DGKH: variants seen among roughly 807,000 people sequenced by gnomAD.
DGKH encodes the protein diacylglycerol kinase eta, also known as DAG kinase eta.
Under a neutral mutation model 159.3 loss-of-function variants are expected in DGKH, and 90 were observed. That is an observed-to-expected ratio of 0.57 (90% confidence interval 0.48 to 0.67). The LOEUF (loss-of-function observed/expected upper bound fraction) is 0.67. Among genes scored for constraint, DGKH ranks in the 30% least tolerant of loss-of-function variants. DGKH has a pLI of 0.00. For synonymous variants in DGKH, 536 were observed against 553.8 expected (o/e 0.97, Z 0.45); for missense variants, 1,181 against 1,506.1 (o/e 0.78, Z 3.57).
At chr13:42,075,911 A>C (rs1291917373) in intron 1 of DGKH, among the ~76,000 whole-genome samples, 1 of 152,176 alleles carries the variant, frequency 6.6e-6, no homozygotes, top group Non-Finnish European at 1.5e-5. Context: ...AAAGGCACCA[A>C]ATCTCCAGAA....
At chr13:42,040,723 G>T (rs1231209614) in intron 1 of DGKH, among the ~76,000 whole-genome samples, 4 of 150,160 alleles carry the variant, frequency 2.7e-5, no homozygotes, top group African/African-American at 4.9e-5. Context: ...GGAGACGGCG[G>T]GTGGGCCGGT....
chr13:42,058,393 G>C (rs1314100753), intron 1 of DGKH, among the ~76,000 whole-genome samples: 3 of 152,180 alleles, frequency 2.0e-5, no homozygotes, highest in Non-Finnish European at 4.4e-5. Flanking sequence ...AGGACTTACT[G>C]AATACACAAT....
At chr13:42,205,731 T>G (rs1238098412) in intron 20 of DGKH, among the ~76,000 whole-genome samples, 2 of 152,126 alleles carry the variant, frequency 1.3e-5, no homozygotes, top group African/African-American at 4.8e-5. Flanking sequence ...AGGACCACAA[T>G]GCAGGTGAAA....
rs1179355016 is a variant in DGKH at position 42,235,667 on chromosome 13, G to A, written c.*6479G>A. 1 of 152,132 alleles carries A rather than the reference G, an allele frequency of 6.6e-6. No individual in the cohort carries two copies. Among genetic ancestry groups the A allele is most frequent in the African/African-American group, 2.4e-5 (1 of 41,450 alleles). 9.4% of individuals were successfully genotyped at this position (152,132 alleles called of 1,614,324 possible). ...TAGCTAAATATTTCTTACAGTTCTG[G>A]TAACTGGTAACTAGTGCTGTGAAAG... On this transcript the variant is annotated 3_prime_UTR_variant, in exon 30 of 30. Coordinates refer to ENST00000337343, the MANE Select transcript of DGKH (RefSeq NM_178009.5).
intron 7 of DGKH, among the ~76,000 whole-genome samples, chr13:42,160,784 A>T (rs6561040): frequency 1.8e-4 from 27 of 152,040 alleles, no homozygotes; most frequent in Non-Finnish European, 2.9e-4. Context: ...GGTGGTTTTG[A>T]GTCTTGTCTT....
intron 3 of DGKH, among the ~76,000 whole-genome samples, chr13:42,142,319 T>C (rs528501779): frequency 3.9e-5 from 6 of 152,202 alleles, no homozygotes; most frequent in African/African-American, 1.4e-4. Context: ...TAGTTTGAAG[T>C]CAGGTAGCGT....
intron 17 of DGKH, among the ~76,000 whole-genome samples, chr13:42,196,576 G>T (rs567233224): frequency 6.6e-6 from 1 of 152,168 alleles, no homozygotes; most frequent in Non-Finnish European, 1.5e-5. Context: ...TAGTCATAAC[G>T]CATAGAGACA....
chr13:42,227,069 A>T (rs937500162), intron 29 of DGKH, among the ~76,000 whole-genome samples: 26 of 152,272 alleles, frequency 1.7e-4, no homozygotes, highest in African/African-American at 6.0e-4. Flanking sequence ...GAACACATAG[A>T]CACAGGGAGG....
intron 20 of DGKH, among the ~76,000 whole-genome samples, chr13:42,204,111 T>C (rs1161335107): frequency 6.6e-6 from 1 of 152,200 alleles, no homozygotes; most frequent in Non-Finnish European, 1.5e-5. Context: ...TTCCATACCA[T>C]GTTTGCAAAT....
chr13:42,157,454 T>C (rs1169110315), intron 5 of DGKH, among the ~76,000 whole-genome samples: 1 of 152,196 alleles, frequency 6.6e-6, no homozygotes, highest in East Asian at 1.9e-4. Flanking sequence ...AAAATTACAT[T>C]ATTTGGTGAG....
chr13:42,214,419 T>G (rs1957737508), intron 24 of DGKH, 88 bp from the exon 25 acceptor site: 2 of 1,255,792 alleles, frequency 1.6e-6, no homozygotes. Context: ...TATTTTTTAC[T>G]TGTTTTATCC....
At chr13:42,223,868 C>T (rs1323444998) in intron 29 of DGKH, among the ~76,000 whole-genome samples, 1 of 151,982 alleles carries the variant, frequency 6.6e-6, no homozygotes, top group Non-Finnish European at 1.5e-5. Context: ...TATATTGTAC[C>T]CAATAAGCAA....
Position 42,172,035 on chromosome 13 carries a change from A to T in DGKH, c.1368-2025A>T, listed in dbSNP as rs530067664. Among the ~76,000 whole-genome samples, 468 of 151,420 alleles carry T rather than the reference A, an allele frequency of 3.1e-3. 2 individuals carry two copies. The highest frequency in any genetic ancestry group is 5.0e-3 in the Non-Finnish European group (340 of 67,838). On this transcript the variant is annotated intron_variant, in intron 11 of 29. Transcript: ENST00000337343. ...AGTAGAGACGGGGTTTCACCATGTT[A>T]GCCAGGATGGTCTTGATCTCCTGAC...
At chr13:42,082,929 T>C (rs1954226894) in intron 1 of DGKH, among the ~76,000 whole-genome samples, 1 of 152,224 alleles carries the variant, frequency 6.6e-6, no homozygotes, top group Non-Finnish European at 1.5e-5. Flanking sequence ...AATTGAAGAA[T>C]GTGAATAATA....
intron 1 of DGKH, among the ~76,000 whole-genome samples, chr13:42,076,389 T>C (rs1381294087): frequency 6.6e-6 from 1 of 152,190 alleles, no homozygotes; most frequent in Non-Finnish European, 1.5e-5. Context: ...CTATTACCTG[T>C]CATATTCTTG....
rs774412881 is a variant in DGKH, at chr13:42,155,715, G to A, written c.538G>A (p.Ala180Thr). The A allele has an allele frequency of 1.4e-5, 22 of 1,614,076 alleles. No individual in the cohort carries two copies. Among genetic ancestry groups the A allele is most frequent in the Admixed American group, 3.3e-5 (2 of 60,006 alleles). ...EHFSGMHNWY[A>T]CSHARPTFCN... is the part of the protein sequence containing the mutation. ...TTTCTCAGGGATGCACAACTGGTACGCCTGCTCCCACGCCCGACCCACCTT... is the reference window on the plus strand; with the variant it reads ...TTTCTCAGGGATGCACAACTGGTACACCTGCTCCCACGCCCGACCCACCTT... Residue 180 changes from alanine (A) to threonine (T), a missense_variant, in exon 5 of 30, where the codon GCC (alanine) becomes ACC (threonine). Physicochemically the swap from Ala to Thr is moderately conservative, Grantham distance 58. Transcript: ENST00000337343.
At chr13:42,207,143 T>TCTC (rs1566192716) in intron 21 of DGKH, among the ~76,000 whole-genome samples, 5 of 49,152 alleles carry the variant, frequency 1.0e-4, no homozygotes, top group East Asian at 5.5e-4. Flanking sequence ...CCTTCCTTCC[T>TCTC]TCCTTCCTTC....
intron 26 of DGKH, among the ~76,000 whole-genome samples, chr13:42,217,722 G>A (rs1454456768): frequency 6.6e-6 from 1 of 151,998 alleles, no homozygotes; most frequent in African/African-American, 2.4e-5. Flanking sequence ...ATATTGATTA[G>A]CTAGAAGAGA....
chr13:42,107,431 C>T (rs1205610565), intron 1 of DGKH, among the ~76,000 whole-genome samples: 1 of 152,182 alleles, frequency 6.6e-6, no homozygotes, highest in African/African-American at 2.4e-5. Context: ...GGAGGCCTTC[C>T]ATGCCGAATT....
Sources: gnomAD v4.1 joint callset for allele counts (sites outside exome capture counted in the v4.1 genomes callset) on GRCh38, gnomAD v4.1.1 for gene constraint, MANE v1.5 for transcripts, NCBI Gene and HGNC (gene_info 2026-07-23, HGNC 2026-07-21) for gene names.